The following LRRC8A variants were observed in gnomAD, a reference collection of about 807,000 sequenced individuals.
The protein encoded by LRRC8A is volume-regulated anion channel subunit LRRC8A.
In LRRC8A, 24 loss-of-function variants were observed where a neutral mutation model predicts 52.5. That is an observed-to-expected ratio of 0.46 (90% confidence interval 0.33 to 0.64). The LOEUF (loss-of-function observed/expected upper bound fraction) is 0.64, where lower values mean the gene tolerates loss of function less well. Ranked by LOEUF, LRRC8A falls within the 30% of genes least tolerant of loss-of-function variation. The pLI, the probability that LRRC8A is intolerant of heterozygous loss-of-function variation, is 0.02. For synonymous variants in LRRC8A, 492 were observed against 494.2 expected (o/e 1.00, Z 0.06); for missense variants, 677 against 1,094.7 (o/e 0.62, Z 5.38).
chr9:128,913,964 G>A (rs1840681144), intron 3 of LRRC8A, among the ~76,000 whole-genome samples: 1 of 152,234 alleles, frequency 6.6e-6, no homozygotes, highest in Non-Finnish European at 1.5e-5. Flanking sequence ...CAACACTTTG[G>A]GAGGCCGAGG....
In LRRC8A at chr9:128,916,465, C is replaced by T; in HGVS notation, c.*94C>T. 3.5e-6 allele frequency: 5 copies of T among 1,444,824 alleles called. No homozygotes were observed. The highest frequency in any genetic ancestry group is 4.6e-6 in the Non-Finnish European group (5 of 1,087,858). The allele number at this position is 1,444,824 out of a possible 1,614,324, so 89.5% of individuals were successfully genotyped here. A position where few individuals can be genotyped will look rare whatever the true frequency, so the allele number is the denominator to read the frequency against. The stretch of plus-strand genomic sequence containing the variant: ...AGCTTCTCCCAGAACTCCCGGACAG[C>T]CAGGACAGCCTCGTGGCTGGGCAGG... On this transcript the variant is annotated 3_prime_UTR_variant, in exon 4 of 4. Coordinates refer to ENST00000372600, the MANE Select transcript of LRRC8A (RefSeq NM_019594.4). The surrounding 1 kb of genome is among the most constrained non-coding windows in gnomAD (Gnocchi z 6.1).
chr9:128,910,648 C>T (rs919264716), intron 3 of LRRC8A, among the ~76,000 whole-genome samples: 2 of 152,098 alleles, frequency 1.3e-5, no homozygotes, highest in African/African-American at 4.8e-5. Context: ...TATGGTTGTA[C>T]CACTGTACTT....
chr9:128,892,707 A>G lies in LRRC8A; in HGVS notation c.-9+6586A>G, dbSNP rs972910301. 6.6e-6 allele frequency among the ~76,000 whole-genome samples: 1 copy of G among 151,970 alleles called. No individual in the cohort carries two copies. Among genetic ancestry groups the G allele is most frequent in the Non-Finnish European group, 1.5e-5 (1 of 67,976 alleles). The stretch of plus-strand genomic sequence containing the variant: ...TCCCACTCTGGCTCTGGGACAGGGG[A>G]AGCACATGACCCATGGCCCGTGGTG... On this transcript the variant is annotated intron_variant, in intron 2 of 3. Transcript: ENST00000372600. The surrounding 1 kb of genome is among the most constrained non-coding windows in gnomAD (Gnocchi z 5.2).
intron 3 of LRRC8A, among the ~76,000 whole-genome samples, chr9:128,914,102 G>A (rs941843338): frequency 6.6e-5 from 10 of 152,120 alleles, no homozygotes; most frequent in African/African-American, 1.9e-4. Flanking sequence ...CTACTCGGGA[G>A]GCTAAGGCAG....
rs1371387927 is a variant in LRRC8A at position 128,917,156 on chromosome 9, C to T, written c.*785C>T. The stretch of plus-strand genomic sequence containing the variant: ...ACACTAACGGCCAGTGAGTTGGAGT[C>T]TCAGGGCAGGGTGGCAGTTTCCCTT... On this transcript the variant is annotated 3_prime_UTR_variant, in exon 4 of 4. Transcript: ENST00000372600. The T allele has an allele frequency of 6.7e-6, 1 of 150,062 alleles. No homozygotes were observed. The highest frequency in any genetic ancestry group is 6.7e-5 in the Admixed American group (1 of 14,994). 9.3% of individuals were successfully genotyped at this position (150,062 alleles called of 1,614,324 possible).
chr9:128,894,040 A>G (rs946837927), intron 2 of LRRC8A, among the ~76,000 whole-genome samples: 9 of 151,994 alleles, frequency 5.9e-5, no homozygotes, highest in Non-Finnish European at 1.0e-4. Flanking sequence ...TACCACGCCC[A>G]GCTAATTTTT....
chr9:128,914,549 T>C (rs1209404194), intron 3 of LRRC8A, among the ~76,000 whole-genome samples: 1 of 152,196 alleles, frequency 6.6e-6, no homozygotes, highest in African/African-American at 2.4e-5. Flanking sequence ...GTACATCCTC[T>C]CCTGACCCTT....
At chr9:128,906,472 G>A (rs1315195823) in intron 2 of LRRC8A, among the ~76,000 whole-genome samples, 1 of 151,850 alleles carries the variant, frequency 6.6e-6, no homozygotes, top group African/African-American at 2.4e-5. Context: ...ACAGGCACCC[G>A]CCACTACGCC....
At position 128,911,524 on chromosome 9, in the gene LRRC8A, T is replaced by C. The variant is rs573481114; in HGVS notation, c.2157+2203T>C. ...GCTTCCCCATAGCACAGTGCTGCCC[T>C]TGATAAGCTGGGACTTCCTCACAGC... On this transcript the variant is annotated intron_variant, in intron 3 of 3. Coordinates refer to ENST00000372600, the MANE Select transcript of LRRC8A (RefSeq NM_019594.4). The surrounding 1 kb of genome is among the most constrained non-coding windows in gnomAD (Gnocchi z 4.9). Among the ~76,000 whole-genome samples, 11 of 152,264 alleles carry C rather than the reference T, an allele frequency of 7.2e-5. No individual in the cohort carries two copies. The highest frequency in any genetic ancestry group is 3.9e-4 in the Admixed American group (6 of 15,302).
At chr9:128,888,931 G>A (rs530384617) in intron 2 of LRRC8A, among the ~76,000 whole-genome samples, 1 of 152,050 alleles carries the variant, frequency 6.6e-6, no homozygotes, top group African/African-American at 2.4e-5. Flanking sequence ...TTCATAGTCC[G>A]TGGTCATTCT....
intron 3 of LRRC8A, among the ~76,000 whole-genome samples, chr9:128,914,983 C>T (rs1260322998): frequency 6.6e-6 from 1 of 152,214 alleles, no homozygotes; most frequent in South Asian, 2.1e-4. Context: ...ATCCTGGCTC[C>T]ATCACTTACC....
rs774474825 is a variant in LRRC8A at position 128,901,235 on chromosome 9, C to T, written c.-8-5922C>T. ...ATCCCAGCACTTTGGGAGGCCAAGG[C>T]GGGTGGATCATGAGGTCAGGAGATG... On this transcript the variant is annotated intron_variant, in intron 2 of 3. Transcript: ENST00000372600. Among the ~76,000 whole-genome samples, 14 of 151,752 alleles carry T rather than the reference C, an allele frequency of 9.2e-5. No individual in the cohort carries two copies. In the East Asian group the frequency reaches 1.2e-3, roughly 13 times the overall value.
intron 2 of LRRC8A, among the ~76,000 whole-genome samples, chr9:128,906,218 T>A (rs1162898253): frequency 6.6e-6 from 1 of 151,870 alleles, no homozygotes; most frequent in African/African-American, 2.4e-5. Context: ...AGCTTCAACC[T>A]CCTGGACTCA....
intron 2 of LRRC8A, among the ~76,000 whole-genome samples, chr9:128,890,130 T>TTGTGTG (rs57721007): frequency 0.024 from 3,126 of 128,242 alleles, 55 homozygotes; most frequent in African/African-American, 0.034. Context: ...TGGCTTCATT[T>TTGTGTG]TGTGTGTGTG....
At chr9:128,891,539 C>T (rs749857120) in intron 2 of LRRC8A, among the ~76,000 whole-genome samples, 1 of 152,194 alleles carries the variant, frequency 6.6e-6, no homozygotes, top group Non-Finnish European at 1.5e-5. Context: ...CCAGCCTCGG[C>T]GACAGCGCAA....
chr9:128,896,123 T>C (rs1265183393), intron 2 of LRRC8A, among the ~76,000 whole-genome samples: 1 of 152,252 alleles, frequency 6.6e-6, no homozygotes, highest in African/African-American at 2.4e-5. Context: ...CCATGCATGC[T>C]TTTGTATCTT....
At chr9:128,900,079 C>T (rs1278184635) in intron 2 of LRRC8A, among the ~76,000 whole-genome samples, 1 of 152,162 alleles carries the variant, frequency 6.6e-6, no homozygotes, top group Non-Finnish European at 1.5e-5. Flanking sequence ...CAGGTCCTTG[C>T]ACTGGGCCCC....
chr9:128,889,620 G>A (rs542156213), intron 2 of LRRC8A, among the ~76,000 whole-genome samples: 2 of 151,284 alleles, frequency 1.3e-5, no homozygotes, highest in African/African-American at 4.9e-5. Flanking sequence ...TCAGCCTCCC[G>A]AGTAGCTGGG....
rs888329063 is a variant in LRRC8A, at chr9:128,908,538, C to T, written c.1374C>T (p.Asp458=). The part of the protein sequence containing the change: ...LEVLKLELIP[D]VTIPPSIAQL... ...TCCTCAAGCTGGAGCTGATCCCCGACGTGACCATCCCGCCCAGCATTGCCC... is the reference window on the plus strand; with the variant it reads ...TCCTCAAGCTGGAGCTGATCCCCGATGTGACCATCCCGCCCAGCATTGCCC... Residue 458 remains aspartate, a synonymous_variant, in exon 3 of 4, where the codon GAC becomes GAT. Transcript: ENST00000372600. The T allele has an allele frequency of 1.7e-5, 27 of 1,612,658 alleles. No homozygotes were observed. The highest frequency in any genetic ancestry group is 1.9e-5 in the Non-Finnish European group (23 of 1,179,958).
Sources: allele counts gnomAD v4.1 joint callset (sites outside exome capture counted in the v4.1 genomes callset), GRCh38; gene constraint gnomAD v4.1.1; non-coding constraint Gnocchi (gnomAD v3.1); transcripts MANE v1.5; gene names NCBI Gene and HGNC (gene_info 2026-07-23, HGNC 2026-07-21).